The following PTK2 variants were observed in gnomAD, a reference collection of about 807,000 sequenced individuals.
PTK2 encodes the protein protein tyrosine kinase 2.
PTK2 carries 45 observed loss-of-function variants against 150.1 expected under a neutral mutation model. The observed-to-expected ratio is 0.30, with a 90% CI of 0.24 to 0.38. PTK2 has a LOEUF of 0.38. PTK2 is among the 10% of genes least tolerant of loss of function. The probability of loss-of-function intolerance (pLI) is 1.00; values close to 1 mark genes in which losing one functional copy is unlikely to be tolerated. For synonymous variants in PTK2, 432 were observed against 449.2 expected, an observed-to-expected ratio of 0.96 and a Z score of 0.48; for missense variants, 919 against 1,307.3, an observed-to-expected ratio of 0.70 and a Z score of 4.58.
At chr8:140,725,842 T>C (rs1264706174) in intron 22 of PTK2, among the ~76,000 whole-genome samples, 1 of 92,736 alleles carries the variant, frequency 1.1e-5, no homozygotes, top group African/African-American at 4.4e-5. Flanking sequence ...TTCCTTGATA[T>C]ACAAAAAAAA....
intron 22 of PTK2, among the ~76,000 whole-genome samples, chr8:140,727,658 G>T (rs2100046721): frequency 6.6e-6 from 1 of 151,980 alleles, no homozygotes; most frequent in Non-Finnish European, 1.5e-5. Flanking sequence ...TCGTGTTGTG[G>T]GATAAGGGAA....
intron 28 of PTK2, 76 bp from the exon 32 acceptor site, chr8:140,674,480 C>G (rs908635920): frequency 8.9e-5 from 119 of 1,337,224 alleles, no homozygotes; most frequent in Non-Finnish European, 1.2e-4. Flanking sequence ...TGGCTCATGC[C>G]TATAATCTCA....
chr8:140,910,220 T>C (rs557352054), intron 2 of PTK2, among the ~76,000 whole-genome samples: 22 of 152,042 alleles, frequency 1.4e-4, no homozygotes, highest in African/African-American at 5.1e-4. Context: ...AATAAAAGAG[T>C]GGGGGAGGTA....
chr8:140,745,812 C>T (rs1317395161), intron 18 of PTK2, among the ~76,000 whole-genome samples: 2 of 152,014 alleles, frequency 1.3e-5, no homozygotes, highest in Non-Finnish European at 2.9e-5. Flanking sequence ...CCAGCCTGGC[C>T]AACATGGTGA....
rs527740051 is a variant in PTK2 at position 140,892,471 on chromosome 8, G to A, written c.-32-1702C>T. ...GGATCACTTGAGCCCAAGAGGGGAA[G>A]GCTACAGTGAGCCGAGATCGTGCCA... On this transcript the variant is annotated intron_variant, in intron 2 of 31. Coordinates refer to ENST00000522684, the Ensembl canonical transcript of PTK2. 58 of 273,468 alleles carry A rather than the reference G, an allele frequency of 2.1e-4. 1 individual carries two copies. Among genetic ancestry groups the A allele is most frequent in the African/African-American group, 1.1e-3 (49 of 42,940 alleles). 16.9% of individuals were successfully genotyped at this position (273,468 alleles called of 1,614,324 possible).
Position 140,702,715 on chromosome 8 carries a change from T to C in PTK2, c.2230-8A>G. The stretch of plus-strand genomic sequence containing the variant: ...ACCAGGGTAGCCAGAAACCTGTGAA[T>C]GAGTAAGGAGGCAAGGTAATGTTCA... On this transcript the variant is annotated splice_region_variant and splice_polypyrimidine_tract_variant and intron_variant, in intron 24 of 31. Coordinates refer to ENST00000522684, the Ensembl canonical transcript of PTK2. The C allele has an allele frequency of 6.2e-7, 1 of 1,613,164 alleles. No individual in the cohort carries two copies. Among genetic ancestry groups the C allele is most frequent in the Non-Finnish European group, 8.5e-7 (1 of 1,179,278 alleles).
At chr8:140,677,034 A>C (rs889614380) in intron 27 of PTK2, among the ~76,000 whole-genome samples, 1 of 152,044 alleles carries the variant, frequency 6.6e-6, no homozygotes, top group South Asian at 2.1e-4. Context: ...ACCACTATGC[A>C]ATATATCCAT....
intron 1 of PTK2, among the ~76,000 whole-genome samples, chr8:140,949,398 GAGCCCCACATTCCCAGGTACAGCTGC>G (rs2100178748): frequency 6.6e-6 from 1 of 152,184 alleles, no homozygotes; most frequent in Non-Finnish European, 1.5e-5. Flanking sequence ...GGCGGGGCAG[GAGCCCCACATTCCCAGGTACAGCTGC>G]AGCCTCCTAG....
At chr8:140,862,279 A>G (rs1053338950) in intron 5 of PTK2, among the ~76,000 whole-genome samples, 1 of 152,190 alleles carries the variant, frequency 6.6e-6, no homozygotes, top group African/African-American at 2.4e-5. Context: ...GACACAGATC[A>G]CATACCAAGA....
chr8:140,739,168 C>T, intron 20 of PTK2, 61 bp from the exon 24 acceptor site: 1 of 1,114,198 alleles, frequency 9.0e-7, no homozygotes, highest in South Asian at 1.9e-5. Flanking sequence ...TCTAACAGAG[C>T]TAGCTGAGAT....
intron 1 of PTK2, among the ~76,000 whole-genome samples, chr8:140,952,969 C>T (rs1313614752): frequency 6.6e-6 from 1 of 152,134 alleles, no homozygotes; most frequent in Non-Finnish European, 1.5e-5. Context: ...TGAGTGAACA[C>T]CTTACGCATA....
chr8:140,681,300 C>A (rs2100016755), intron 27 of PTK2, among the ~76,000 whole-genome samples: 1 of 151,558 alleles, frequency 6.6e-6, no homozygotes, highest in Non-Finnish European at 1.5e-5. Context: ...ATGCAGTGAG[C>A]CGAGATCCTG....
intron 4 of PTK2, among the ~76,000 whole-genome samples, chr8:140,868,833 A>C (rs2100140884): frequency 6.6e-6 from 1 of 152,184 alleles, no homozygotes; most frequent in Non-Finnish European, 1.5e-5. Flanking sequence ...ACATGACCGT[A>C]ATGTGGTATT....
chr8:140,674,241 C>T, intron 29 of PTK2, 57 bp downstream of exon 32: 3 of 1,483,674 alleles, frequency 2.0e-6, no homozygotes, highest in Non-Finnish European at 2.8e-6. Context: ...CAACTGAGAA[C>T]TAGGGGACAC....
intron 1 of PTK2, among the ~76,000 whole-genome samples, chr8:141,000,111 ACACACACACACACACC>A (rs2100199454): frequency 1.3e-5 from 2 of 149,958 alleles, no homozygotes; most frequent in South Asian, 2.1e-4. Flanking sequence ...ACACACACAC[ACACACACACACACACC>A]CCTTCTTCTA....
At chr8:140,773,401 A>T (rs1345793849) in intron 14 of PTK2, among the ~76,000 whole-genome samples, 2 of 152,228 alleles carry the variant, frequency 1.3e-5, no homozygotes, top group African/African-American at 4.8e-5. Context: ...ATTTTATGGC[A>T]TGTCAACATG....
chr8:140,890,512 T>C (rs766094173), intron 3 of PTK2, 31 bp downstream of exon 3: 2 of 1,560,380 alleles, frequency 1.3e-6, no homozygotes, highest in East Asian at 2.2e-5. Context: ...TAAATAAACA[T>C]TAAAGATGTC....
chr8:140,833,182 AAAAG>A (rs1176615168), intron 7 of PTK2: 1 of 399,992 alleles, frequency 2.5e-6, no homozygotes, highest in African/African-American at 2.1e-5. Context: ...CATTAAAAAA[AAAAG>A]AAACCTGAAG....
chr8:140,890,831 A>G (rs1485619547), intron 2 of PTK2, 62 bp from the exon 3 acceptor site: 1 of 1,395,614 alleles, frequency 7.2e-7, no homozygotes, highest in Admixed American at 1.8e-5. Context: ...TTACAATGTG[A>G]TATGTTGTTT....
Sources: gnomAD v4.1 joint callset for allele counts (sites outside exome capture counted in the v4.1 genomes callset) on GRCh38, gnomAD v4.1.1 for gene constraint, MANE v1.5 for transcripts, NCBI Gene and HGNC (gene_info 2026-07-23, HGNC 2026-07-21) for gene names.